The following THSD4 variants were observed in gnomAD, a reference collection of about 807,000 sequenced individuals.
The protein encoded by THSD4 is thrombospondin type 1 domain containing 4, also known as thrombospondin type-1 domain-containing protein 4.
Under a neutral mutation model 119.0 loss-of-function variants are expected in THSD4, and 69 were observed. That is an observed-to-expected ratio of 0.58 (90% CI 0.48 to 0.71). The LOEUF (loss-of-function observed/expected upper bound fraction) is 0.71, where lower values mean the gene tolerates loss of function less well. Among genes scored for constraint, THSD4 ranks in the 30% least tolerant of loss-of-function variants. THSD4 has a pLI of 0.00. For missense variants in THSD4, 1,393 were observed against 1,391.1 expected, an observed-to-expected ratio of 1.00 and a Z score of -0.02; for synonymous variants, 524 against 540.4, an observed-to-expected ratio of 0.97 and a Z score of 0.42.
intron 7 of THSD4, among the ~76,000 whole-genome samples, chr15:71,438,675 A>G (rs2047048360): frequency 6.7e-6 from 1 of 148,898 alleles, no homozygotes; most frequent in Non-Finnish European, 1.5e-5. Context: ...ACTTGTGTAT[A>G]TTTTTGGCTT....
chr15:71,242,618 A>G (rs1202996910), intron 4 of THSD4, 31 bp from the exon 5 acceptor site: 3 of 1,598,706 alleles, frequency 1.9e-6, no homozygotes, highest in East Asian at 2.2e-5. Context: ...TCCGACTCTG[A>G]TCATCTCCTC....
At chr15:71,438,049 A>G (rs563670285) in intron 7 of THSD4, among the ~76,000 whole-genome samples, 2 of 151,790 alleles carry the variant, frequency 1.3e-5, no homozygotes, top group African/African-American at 2.4e-5. Flanking sequence ...GGCATTTACT[A>G]AGTTCTCCAG....
At chr15:71,121,895 T>G (rs1400302001) in intron 1 of THSD4, among the ~76,000 whole-genome samples, 2 of 152,128 alleles carry the variant, frequency 1.3e-5, no homozygotes, top group Admixed American at 1.3e-4. Flanking sequence ...ATAATAATAG[T>G]TATACTTACC....
chr15:71,633,269 C>CTTTTTTTTT (rs67682951), intron 7 of THSD4, among the ~76,000 whole-genome samples: 31 of 63,180 alleles, frequency 4.9e-4, no homozygotes, highest in African/African-American at 1.3e-3. Context: ...TTCTTTCTTT[C>CTTTTTTTTT]TTTTTTTTTT....
chr15:71,612,152 G>A (rs964475309), intron 7 of THSD4, among the ~76,000 whole-genome samples: 1 of 152,204 alleles, frequency 6.6e-6, no homozygotes, highest in African/African-American at 2.4e-5. Context: ...TGTGGTCAGG[G>A]AGGGGCCAGG....
rs148970643 is a variant in THSD4, at chr15:71,723,018, T to C, written c.1358-5531T>C. Among the ~76,000 whole-genome samples the C allele has an allele frequency of 1.5e-3, 235 of 152,084 alleles. 1 individual carries two copies. The highest frequency in any genetic ancestry group is 5.6e-3 in the African/African-American group (231 of 41,502). On this transcript the variant is annotated intron_variant, in intron 8 of 17. Coordinates refer to ENST00000261862, the MANE Select transcript of THSD4 (RefSeq NM_024817.3). The stretch of plus-strand genomic sequence containing the variant: ...GTCACTTGGTATTCCATTGTGTGGA[T>C]GGCCAGTGTTAGAACCATCTTAAGC...
chr15:71,425,455 C>T (rs1345860461), intron 7 of THSD4, among the ~76,000 whole-genome samples: 3 of 152,186 alleles, frequency 2.0e-5, no homozygotes, highest in South Asian at 4.1e-4. Flanking sequence ...AAACACAAAT[C>T]AGGATGAACC....
At chr15:71,598,367 G>A (rs548254340) in intron 7 of THSD4, among the ~76,000 whole-genome samples, 2 of 152,248 alleles carry the variant, frequency 1.3e-5, no homozygotes, top group South Asian at 4.1e-4. Context: ...GAGGCCATGA[G>A]TTTGACCTTT....
chr15:71,476,690 A>G (rs924082625), intron 7 of THSD4, among the ~76,000 whole-genome samples: 1 of 152,246 alleles, frequency 6.6e-6, no homozygotes, highest in Non-Finnish European at 1.5e-5. Flanking sequence ...TAAAGCTAAT[A>G]CTATTTTCTT....
At chr15:71,425,462 A>G (rs565004952) in intron 7 of THSD4, among the ~76,000 whole-genome samples, 1 of 152,350 alleles carries the variant, frequency 6.6e-6, no homozygotes, top group Admixed American at 6.5e-5. Flanking sequence ...AATCAGGATG[A>G]ACCTCTCTTT....
chr15:71,341,235 G>C, intron 6 of THSD4: 1 of 1,593,424 alleles, frequency 6.3e-7, no homozygotes, highest in Non-Finnish European at 8.5e-7. Flanking sequence ...TCCTCTTCTG[G>C]TTTAGGAACA....
intron 7 of THSD4, among the ~76,000 whole-genome samples, chr15:71,545,459 C>T (rs77187268): frequency 0.047 from 7,199 of 152,210 alleles, 740 homozygotes; most frequent in East Asian, 0.45. Flanking sequence ...CTGTGGTTTC[C>T]TTTGTGCTAT....
intron 7 of THSD4, among the ~76,000 whole-genome samples, chr15:71,482,401 C>T (rs571426742): frequency 7.3e-5 from 11 of 150,778 alleles, no homozygotes; most frequent in African/African-American, 2.7e-4. Flanking sequence ...CGCCATTCTC[C>T]TGCCTCAGCC....
chr15:71,777,066 AAAAG>A (rs2053926068), intron 17 of THSD4, among the ~76,000 whole-genome samples, 162 bp from the exon 18 acceptor site: 1 of 152,218 alleles, frequency 6.6e-6, no homozygotes, highest in Admixed American at 6.5e-5. Flanking sequence ...TATCGTGTTT[AAAAG>A]AAAGAGAAAA....
At chr15:71,220,316 C>T (rs1488117516) in intron 4 of THSD4, among the ~76,000 whole-genome samples, 1 of 152,170 alleles carries the variant, frequency 6.6e-6, no homozygotes, top group Non-Finnish European at 1.5e-5. Flanking sequence ...TATCTGGAAA[C>T]TTCTTGAGTC....
intron 6 of THSD4, among the ~76,000 whole-genome samples, chr15:71,301,790 T>C (rs1436930429): frequency 6.6e-6 from 1 of 152,248 alleles, no homozygotes; most frequent in Non-Finnish European, 1.5e-5. Context: ...GTTATACTTA[T>C]ATCCTGCCTG....
intron 7 of THSD4, among the ~76,000 whole-genome samples, chr15:71,515,981 A>G (rs2048355846): frequency 6.6e-6 from 1 of 152,158 alleles, no homozygotes; most frequent in Admixed American, 6.5e-5. Flanking sequence ...AATCAAGCCT[A>G]TAGTCAGAGG....
chr15:71,275,573 C>T (rs1300784855), intron 6 of THSD4, among the ~76,000 whole-genome samples: 1 of 152,146 alleles, frequency 6.6e-6, no homozygotes, highest in Admixed American at 6.5e-5. Context: ...CACATTCAGC[C>T]CATGCTTTAT....
At position 71,416,407 on chromosome 15, in the gene THSD4, A is replaced by C. The variant is rs956987941; in HGVS notation, c.1152+4584A>C. Among the ~76,000 whole-genome samples, 2 of 108,078 alleles carry C rather than the reference A, an allele frequency of 1.9e-5. 1 individual carries two copies. Among genetic ancestry groups the C allele is most frequent in the African/African-American group, 6.3e-5 (2 of 31,716 alleles). 70.9% of individuals were successfully genotyped at this position (108,078 alleles called of 152,430 possible). ...ATTCTTACTTTTTTGAGGAACCTCC[A>C]AACTGTTCTCTATAGTGGTTGTACT... On this transcript the variant is annotated intron_variant, in intron 7 of 17. Coordinates refer to ENST00000261862, the MANE Select transcript of THSD4 (RefSeq NM_024817.3).
Sources: allele counts gnomAD v4.1 joint callset (sites outside exome capture counted in the v4.1 genomes callset), GRCh38; gene constraint gnomAD v4.1.1; transcripts MANE v1.5; gene names NCBI Gene and HGNC (gene_info 2026-07-23, HGNC 2026-07-21).